The following ROR2 variants were observed in gnomAD, a reference collection of about 807,000 sequenced individuals.
The protein encoded by ROR2 is tyrosine-protein kinase transmembrane receptor ROR2.
Under a neutral mutation model 74.9 loss-of-function variants are expected in ROR2, and 33 were observed. That is an observed-to-expected ratio of 0.44 (90% confidence interval 0.33 to 0.59). ROR2 has a LOEUF of 0.59. Ranked by LOEUF, ROR2 falls within the 20% of genes least tolerant of loss-of-function variation. The pLI, the probability that ROR2 is intolerant of heterozygous loss-of-function variation, is 0.02. For synonymous variants in ROR2, 586 were observed against 558.7 expected, an observed-to-expected ratio of 1.05 and a Z score of -0.69; for missense variants, 1,216 against 1,313.8, an observed-to-expected ratio of 0.93 and a Z score of 1.15.
intron 2 of ROR2, among the ~76,000 whole-genome samples, chr9:91,769,782 T>A (rs1000539750): frequency 6.6e-6 from 1 of 152,156 alleles, no homozygotes; most frequent in Admixed American, 6.5e-5. Context: ...ACCTTCATGA[T>A]CTGAGGTCCT....
In ROR2 at chr9:91,791,896, A is replaced by G. The variant is rs552760204; in HGVS notation, c.98-16078T>C. Among the ~76,000 whole-genome samples, 4 of 152,338 alleles carry G rather than the reference A, an allele frequency of 2.6e-5. No individual in the cohort carries two copies. The East Asian group carries it at 7.7e-4, about 29-fold the overall frequency. On this transcript the variant is annotated intron_variant, in intron 1 of 8. Transcript: ENST00000375708. ...TACATTTAAAAAGATTAAAAATCAA[A>G]AAGTATGTTTAACCACAATGGAATG... is the stretch of plus-strand genomic sequence containing the variant.
intron 1 of ROR2, among the ~76,000 whole-genome samples, chr9:91,777,110 C>T (rs1826447110): frequency 6.6e-6 from 1 of 152,174 alleles, no homozygotes; most frequent in Non-Finnish European, 1.5e-5. Context: ...GTTGTTATTG[C>T]TAATCTGAGA....
At chr9:91,936,042 G>A (rs1040142516) in intron 1 of ROR2, among the ~76,000 whole-genome samples, 6 of 152,218 alleles carry the variant, frequency 3.9e-5, no homozygotes, top group African/African-American at 1.4e-4. Flanking sequence ...ACTCCTGACC[G>A]CAGCACTGAC....
intron 1 of ROR2, among the ~76,000 whole-genome samples, chr9:91,778,792 T>C (rs898472870): frequency 1.3e-5 from 2 of 152,206 alleles, no homozygotes; most frequent in Non-Finnish European, 1.5e-5. Flanking sequence ...TCATTTTCAC[T>C]GTAAAAACAT....
chr9:91,836,713 C>G (rs1055463288), intron 1 of ROR2, among the ~76,000 whole-genome samples: 1 of 151,894 alleles, frequency 6.6e-6, no homozygotes, highest in Non-Finnish European at 1.5e-5. Context: ...GCAGGAGGAG[C>G]TGCGGCTCAC....
intron 1 of ROR2, among the ~76,000 whole-genome samples, chr9:91,840,257 C>T (rs1052869329): frequency 3.3e-5 from 5 of 152,190 alleles, no homozygotes; most frequent in Non-Finnish European, 2.9e-5. Flanking sequence ...AATGCCACAA[C>T]GGCCCGGGAT....
At chr9:91,853,220 G>A (rs751750132) in intron 1 of ROR2, among the ~76,000 whole-genome samples, 2 of 152,194 alleles carry the variant, frequency 1.3e-5, no homozygotes, top group Non-Finnish European at 2.9e-5. Flanking sequence ...CCTCCGGGAT[G>A]GGCCTGATCA....
chr9:91,820,585 AC>A (rs1276062476), intron 1 of ROR2, among the ~76,000 whole-genome samples: 1 of 151,250 alleles, frequency 6.6e-6, no homozygotes, highest in Non-Finnish European at 1.5e-5. Flanking sequence ...TCCCCTCCAC[AC>A]CCACGTGCGC....
chr9:91,817,313 A>G (rs543137513), intron 1 of ROR2, among the ~76,000 whole-genome samples: 1 of 152,340 alleles, frequency 6.6e-6, no homozygotes, highest in East Asian at 1.9e-4. Flanking sequence ...TCCACCAAGG[A>G]AGGCAGGAGA....
At chr9:91,923,581 C>T (rs574851484) in intron 1 of ROR2, 40 of 152,304 alleles carry the variant, frequency 2.6e-4, no homozygotes, top group African/African-American at 9.4e-4. Flanking sequence ...TGAACAAAGG[C>T]TTTCTTTTTA....
Position 91,730,938 on chromosome 9 carries a change from G to C in ROR2, c.1155C>G (p.Arg385=). The part of the protein sequence containing the change: ...PWCFTQNKNV[R]MELCDVPSCS... ...ACGAGGGTACGTCACACAGTTCCAT[G>C]CGTACGTTTTTATTCTGCGTAAAGC... Residue 385 remains arginine (R), a synonymous_variant, in exon 7 of 9, where the codon CGC becomes CGG. Transcript: ENST00000375708. 6.2e-7 allele frequency: 1 copy of C among 1,614,188 alleles called. No homozygotes were observed. Among genetic ancestry groups the C allele is most frequent in the Non-Finnish European group, 8.5e-7 (1 of 1,180,028 alleles).
chr9:91,938,825 G>A (rs1476959777), intron 1 of ROR2, among the ~76,000 whole-genome samples: 1 of 152,192 alleles, frequency 6.6e-6, no homozygotes, highest in African/African-American at 2.4e-5. Context: ...CCACAGTTGA[G>A]AATTAGCACC....
chr9:91,750,457 G>A lies in ROR2; in HGVS notation c.494+5614C>T, dbSNP rs770260201. Among the ~76,000 whole-genome samples the A allele has an allele frequency of 7.8e-4, 118 of 152,088 alleles. 1 individual carries two copies. Among genetic ancestry groups the A allele is most frequent in the Non-Finnish European group, 9.1e-4 (62 of 68,028 alleles). On this transcript the variant is annotated intron_variant, in intron 4 of 8. Transcript: ENST00000375708. Reference sequence around the variant, plus strand: ...TGTATATTATTGATTCGTGGAAAACGCACAGCCTCTAACAACACATCTTCT... The same window carrying A: ...TGTATATTATTGATTCGTGGAAAACACACAGCCTCTAACAACACATCTTCT...
intron 1 of ROR2, among the ~76,000 whole-genome samples, chr9:91,857,834 G>A (rs111862502): frequency 8.5e-5 from 13 of 152,284 alleles, no homozygotes; most frequent in African/African-American, 2.4e-4. Flanking sequence ...TTCATTGAAC[G>A]GAGTATTTAG....
chr9:91,811,192 C>T (rs534691193), intron 1 of ROR2, among the ~76,000 whole-genome samples: 6 of 152,264 alleles, frequency 3.9e-5, no homozygotes, highest in Non-Finnish European at 7.3e-5. Context: ...GGGGGAAAAG[C>T]TGTCAGGGCC....
In ROR2 at chr9:91,733,985, A is replaced by G. The variant is rs1301373355; in HGVS notation, c.623-549T>C. Among the ~76,000 whole-genome samples the G allele has an allele frequency of 6.6e-6, 1 of 152,170 alleles. No individual in the cohort carries two copies. The highest frequency in any genetic ancestry group is 1.5e-5 in the Non-Finnish European group (1 of 68,036). On this transcript the variant is annotated intron_variant, in intron 5 of 8. Transcript: ENST00000375708. The surrounding 1 kb of genome is among the most constrained non-coding windows in gnomAD (Gnocchi z 5.7). Reference sequence around the variant, plus strand: ...AAAGCCAAGAGGGTGAGAGCAGCAAAGTGGGAGGAGAGCCGCGTTACAACT... The same window carrying G: ...AAAGCCAAGAGGGTGAGAGCAGCAAGGTGGGAGGAGAGCCGCGTTACAACT...
chr9:91,890,434 A>G (rs911997147), intron 1 of ROR2, among the ~76,000 whole-genome samples: 42 of 152,338 alleles, frequency 2.8e-4, no homozygotes, highest in Admixed American at 7.2e-4. Flanking sequence ...AACAACAAAC[A>G]TAAGTAAGTG....
intron 1 of ROR2, among the ~76,000 whole-genome samples, chr9:91,868,552 G>GA (rs1054854109): frequency 8.5e-4 from 130 of 152,126 alleles, no homozygotes; most frequent in African/African-American, 2.9e-3. Flanking sequence ...AAGACAAACG[G>GA]AAAAAATCTT....
chr9:91,924,853 GTGTT>G (rs912306085), intron 1 of ROR2, among the ~76,000 whole-genome samples: 3 of 151,786 alleles, frequency 2.0e-5, no homozygotes, highest in Admixed American at 6.6e-5. Context: ...TTTTGTTTGT[GTGTT>G]TGTTTGAGAC....
Sources: gnomAD v4.1 joint callset for allele counts (sites outside exome capture counted in the v4.1 genomes callset) on GRCh38, gnomAD v4.1.1 for gene constraint, Gnocchi (gnomAD v3.1) non-coding constraint, MANE v1.5 for transcripts, NCBI Gene and HGNC (gene_info 2026-07-23, HGNC 2026-07-21) for gene names.